LILRA2: variants seen among roughly 807,000 people sequenced by gnomAD.
LILRA2 encodes leukocyte immunoglobulin like receptor A2.
LILRA2 carries 45 observed loss-of-function variants against 47.9 expected under a neutral mutation model. That is an observed-to-expected ratio of 0.94 (90% CI 0.74 to 1.20). LILRA2 has a LOEUF of 1.20. LILRA2 is among the 50% of genes most tolerant of loss of function. The probability of loss-of-function intolerance (pLI) is 0.00; values close to 1 mark genes in which losing one functional copy is unlikely to be tolerated. For synonymous variants in LILRA2, 279 were observed against 249.2 expected (o/e 1.12, Z -1.13); for missense variants, 651 against 598.2 (o/e 1.09, Z -0.92).
chr19:54,574,827 A>G lies in LILRA2; in HGVS notation c.449A>G (p.Asp150Gly), dbSNP rs763650094. The G allele has an allele frequency of 1.0e-4, 165 of 1,614,118 alleles. No homozygotes were observed. Among genetic ancestry groups the G allele is most frequent in the Admixed American group, 2.2e-4 (13 of 60,010 alleles). ...TLQCVSQVAF[D>G]GFILCKEGED... ...CAGTGTGTCTCACAGGTGGCATTTG[A>G]CGGCTTCATTCTGTGTAAGGAAGGA... The change falls in exon 4 of 8, where the codon GAC (aspartate) becomes GGC (glycine). Residue 150 changes from aspartate to glycine, a missense_variant. By Grantham distance (94) the Asp-to-Gly change is moderately conservative (BLOSUM62 -1). Transcript: ENST00000391738.
intron 5 of LILRA2, 69 bp downstream of exon 5, chr19:54,575,621 G>T: frequency 6.3e-7 from 1 of 1,586,500 alleles, no homozygotes. Context: ...AGCCCAGGTG[G>T]TGATGGCCGG....
rs2062847723 is a variant in LILRA2 at position 54,587,418 on chromosome 19, C to T, written c.*72C>T. On this transcript the variant is annotated 3_prime_UTR_variant, in exon 8 of 8. Coordinates refer to ENST00000391738, the MANE Select transcript of LILRA2 (RefSeq NM_001130917.3). Reference sequence around the variant, plus strand: ...ACAGATCTGATGATCCCAGGAGGCTCTGGAGGACAATCTAGGACCTACATT... The same window carrying T: ...ACAGATCTGATGATCCCAGGAGGCTTTGGAGGACAATCTAGGACCTACATT... 6 of 1,603,034 alleles carry T rather than the reference C, an allele frequency of 3.7e-6. No homozygotes were observed. The Admixed American group carries it at 8.5e-5, about 23-fold the overall frequency.
At chr19:54,575,205 G>T (rs1003937826) in intron 4 of LILRA2, 51 bp from the exon 5 acceptor site, 2 of 1,567,568 alleles carry the variant, frequency 1.3e-6, no homozygotes, top group Non-Finnish European at 8.7e-7. Context: ...GGGAGGGTTT[G>T]TGGGGAAGCC....
intron 6 of LILRA2, among the ~76,000 whole-genome samples, chr19:54,584,649 G>A (rs1406275278): frequency 6.6e-6 from 1 of 151,996 alleles, no homozygotes; most frequent in Non-Finnish European, 1.5e-5. Flanking sequence ...TTCTCTACAC[G>A]GTTTATTGTA....
rs181025552 is a variant in LILRA2, at chr19:54,585,182, T to G, written c.1256-1828T>G. Among the ~76,000 whole-genome samples, 285 of 152,290 alleles carry G rather than the reference T, an allele frequency of 1.9e-3. 4 individuals carry two copies. The South Asian group carries it at 0.036, about 19-fold the overall frequency. ...CATCCCAGAGGGGCACCCACCTGTT[T>G]GAGGTGTCTGTTGGCCCCTACTGGG... On this transcript the variant is annotated intron_variant, in intron 6 of 7. Coordinates refer to ENST00000391738, the MANE Select transcript of LILRA2 (RefSeq NM_001130917.3).
chr19:54,583,018 C>T (rs1405214313), intron 6 of LILRA2, among the ~76,000 whole-genome samples: 1 of 152,128 alleles, frequency 6.6e-6, no homozygotes, highest in Admixed American at 6.5e-5. Flanking sequence ...TTATTTCTGC[C>T]TTCATTTCAT....
chr19:54,576,102 G>A lies in LILRA2; in HGVS notation c.1248G>A (p.Val416=). ...LSLPSDPLEL[V]VSEAAETLSP... is the part of the protein sequence containing the mutation. ...TCCCCAGTGACCCCCTGGAGCTCGT[G>A]GTCTCAGGTGAGGGCCCTGATCTTG... Residue 416 remains valine, a synonymous_variant, in exon 6 of 8, where the codon GTG becomes GTA. Transcript: ENST00000391738. 1.2e-6 allele frequency: 2 copies of A among 1,614,206 alleles called. No homozygotes were observed. Among genetic ancestry groups the A allele is most frequent in the Non-Finnish European group, 8.5e-7 (1 of 1,180,014 alleles).
chr19:54,575,489 A>ATG lies in LILRA2; in HGVS notation c.889_890insTG (p.Ser297MetfsTer20). 1 of 1,612,362 alleles carries ATG rather than the reference A, an allele frequency of 6.2e-7. No homozygotes were observed. Among genetic ancestry groups the ATG allele is most frequent in the Non-Finnish European group, 8.5e-7 (1 of 1,179,722 alleles). ...CCACGGGGGCCAGTACAGATGCTAC[A>ATG]GTGCACACAACCTCTCCTCCGAGTG... is the stretch of plus-strand genomic sequence containing the variant. On this transcript the variant is annotated frameshift_variant, in exon 5 of 8. Transcript: ENST00000391738. LOFTEE classifies it high-confidence loss of function.
At chr19:54,579,581 T>C (rs1474157744) in intron 6 of LILRA2, among the ~76,000 whole-genome samples, 1 of 152,196 alleles carries the variant, frequency 6.6e-6, no homozygotes, top group Non-Finnish European at 1.5e-5. Context: ...AGGATTGTCT[T>C]GGCAATGCGG....
chr19:54,581,853 G>T (rs12984788), intron 6 of LILRA2, among the ~76,000 whole-genome samples: 2 of 152,078 alleles, frequency 1.3e-5, no homozygotes, highest in Admixed American at 6.5e-5. Flanking sequence ...AGCCCGCATT[G>T]TGCCGGTTTT....
rs1202456406 is a variant in LILRA2 at position 54,580,206 on chromosome 19, T to TTTTA, written c.1255+4100_1255+4101insATTT. On this transcript the variant is annotated intron_variant, in intron 6 of 7. Transcript: ENST00000391738. ...GTGCCGGTTTTCTTTTCTTTTTTTT[T>TTTTA]TTTTTTTATTATACTCTAAGTTTTA... 1.9e-3 allele frequency among the ~76,000 whole-genome samples: 265 copies of TTTTA among 141,194 alleles called. 7 individuals carry two copies. The South Asian group carries it at 0.035, about 18-fold the overall frequency. The allele number at this position is 141,194 out of a possible 152,430, so 92.6% of individuals were successfully genotyped here. A position where few individuals can be genotyped will look rare whatever the true frequency, so the allele number is the denominator to read the frequency against.
intron 6 of LILRA2, among the ~76,000 whole-genome samples, chr19:54,579,864 T>C (rs2062590392): frequency 6.6e-6 from 1 of 152,212 alleles, no homozygotes. Context: ...TTATTCTCTT[T>C]GTAGTAATTG....
Position 54,576,119 on chromosome 19 carries a change from C to T in LILRA2, c.1255+10C>T. The T allele has an allele frequency of 1.9e-6, 3 of 1,613,812 alleles. No individual in the cohort carries two copies. The South Asian group carries it at 3.3e-5, about 18-fold the overall frequency. On this transcript the variant is annotated intron_variant, in intron 6 of 7. Transcript: ENST00000391738. The stretch of plus-strand genomic sequence containing the variant: ...GAGCTCGTGGTCTCAGGTGAGGGCC[C>T]TGATCTTGTCCTCTCCGAGCTCAAA...
At chr19:54,577,723 G>A (rs1360409224) in intron 6 of LILRA2, 1 of 1,245,604 alleles carries the variant, frequency 8.0e-7, no homozygotes, top group African/African-American at 1.6e-5. Context: ...GGACAAGTCA[G>A]GCAAGTATTC....
At chr19:54,582,922 A>G (rs1181080210) in intron 6 of LILRA2, among the ~76,000 whole-genome samples, 1 of 152,194 alleles carries the variant, frequency 6.6e-6, no homozygotes, top group Non-Finnish European at 1.5e-5. Flanking sequence ...TTAGTGCTAT[A>G]AATTTCCCTC....
Position 54,574,985 on chromosome 19 carries a change from C to T in LILRA2, c.607C>T (p.Pro203Ser), listed in dbSNP as rs2145963762. Residue 203 changes from proline (P) to serine (S), a missense_variant, in exon 4 of 8, where the codon CCC (proline) becomes TCC (serine). Pro to Ser is a moderately conservative substitution (Grantham distance 74). Transcript: ENST00000391738. ...GTGCTATGCTTATGACTCGAACTCT[C>T]CCTATGTGTGGTCTCTACCCAGTGA... The part of the protein sequence containing the change: ...YRCYAYDSNS[P>S]YVWSLPSDLL... 6.2e-7 allele frequency: 1 copy of T among 1,614,246 alleles called. No individual in the cohort carries two copies. Among genetic ancestry groups the T allele is most frequent in the Non-Finnish European group, 8.5e-7 (1 of 1,180,028 alleles).
At chr19:54,584,495 T>A (rs2062739536) in intron 6 of LILRA2, among the ~76,000 whole-genome samples, 1 of 152,214 alleles carries the variant, frequency 6.6e-6, no homozygotes, top group Non-Finnish European at 1.5e-5. Flanking sequence ...TTCTCTAATC[T>A]TGTCTTCTTG....
chr19:54,576,787 A>G (rs1448902325), intron 6 of LILRA2, among the ~76,000 whole-genome samples: 1 of 152,270 alleles, frequency 6.6e-6, no homozygotes, highest in African/African-American at 2.4e-5. Context: ...TACTTGGTCT[A>G]GGAGTCAGGT....
Position 54,573,837 on chromosome 19 carries a change from G to C in LILRA2, c.-42G>C, listed in dbSNP as rs111997702. 6.2e-7 allele frequency: 1 copy of C among 1,613,942 alleles called. No homozygotes were observed. Among genetic ancestry groups the C allele is most frequent in the Admixed American group, 1.7e-5 (1 of 60,002 alleles). On this transcript the variant is annotated 5_prime_UTR_variant, in exon 1 of 8. Coordinates refer to ENST00000391738, the MANE Select transcript of LILRA2 (RefSeq NM_001130917.3). The stretch of plus-strand genomic sequence containing the variant: ...CGTCTCTCTGTCCTGCCAGCACTGA[G>C]GGCTCATCCATCCGCAGAGCAGGGC...
Sources: gnomAD v4.1 joint callset for allele counts (sites outside exome capture counted in the v4.1 genomes callset) on GRCh38, gnomAD v4.1.1 for gene constraint, MANE v1.5 for transcripts, NCBI Gene and HGNC (gene_info 2026-07-23, HGNC 2026-07-21) for gene names.